Variants in ATXN1 observed in about 807,000 individuals in gnomAD.
The protein encoded by ATXN1 is ataxin 1.
ATXN1 carries 8 observed loss-of-function variants against 56.4 expected under a neutral mutation model. That is an observed-to-expected ratio of 0.14 (90% confidence interval 0.08 to 0.26). The LOEUF (loss-of-function observed/expected upper bound fraction) is 0.26. ATXN1 is among the 10% of genes least tolerant of loss of function. The pLI, the probability that ATXN1 is intolerant of heterozygous loss-of-function variation, is 1.00. For synonymous variants in ATXN1, 514 were observed against 494.6 expected, an observed-to-expected ratio of 1.04 and a Z score of -0.52; for missense variants, 987 against 1,106.5, an observed-to-expected ratio of 0.89 and a Z score of 1.53.
At position 16,703,911 on chromosome 6, in the gene ATXN1, C is replaced by T. The variant is rs570587998; in HGVS notation, c.-614-46010G>A. 1.2e-3 allele frequency among the ~76,000 whole-genome samples: 177 copies of T among 152,264 alleles called. 1 individual carries two copies. Among genetic ancestry groups the T allele is most frequent in the South Asian group, 0.011 (54 of 4,826 alleles). On this transcript the variant is annotated intron_variant, in intron 2 of 7. Coordinates refer to ENST00000436367, the MANE Select transcript of ATXN1 (RefSeq NM_001128164.2). The stretch of plus-strand genomic sequence containing the variant: ...GCGCACGCCTGTAATCCCAGCTACC[C>T]GGGAGCCTGAGCCAGGAGAATTGCT...
At chr6:16,578,719 G>A (rs984400336) in intron 4 of ATXN1, among the ~76,000 whole-genome samples, 3 of 150,460 alleles carry the variant, frequency 2.0e-5, no homozygotes, top group Non-Finnish European at 4.4e-5. Context: ...AGCACAGCCT[G>A]ATAACTAGAG....
intron 2 of ATXN1, among the ~76,000 whole-genome samples, chr6:16,664,849 A>G (rs1209507461): frequency 1.3e-5 from 2 of 152,114 alleles, no homozygotes; most frequent in East Asian, 3.9e-4. Flanking sequence ...CAACTATTAT[A>G]CCATATTAGA....
chr6:16,432,131 T>C (rs1347162040), intron 6 of ATXN1, among the ~76,000 whole-genome samples: 3 of 152,200 alleles, frequency 2.0e-5, no homozygotes. Context: ...CTTCTTCCCC[T>C]CCTCCAAAAG....
chr6:16,424,955 G>A (rs1247592247), intron 6 of ATXN1, among the ~76,000 whole-genome samples: 2 of 152,170 alleles, frequency 1.3e-5, no homozygotes, highest in East Asian at 1.9e-4. Context: ...ACTGACTGCT[G>A]CATTTTGCAC....
rs1055311825 is a variant in ATXN1, at chr6:16,326,064, G to A, written c.1917+330C>T. ...TGCCGAATGACCACTAGAAGGACCT[G>A]AAGTCCAGCAGCGTTTCCTAATCAG... On this transcript the variant is annotated intron_variant, in intron 7 of 7. Transcript: ENST00000436367. This position sits in a 1 kb window ranked among gnomAD's most constrained non-coding sequence, Gnocchi z 6.6. 3.3e-5 allele frequency among the ~76,000 whole-genome samples: 5 copies of A among 152,302 alleles called. No individual in the cohort carries two copies. The South Asian group carries it at 6.2e-4, about 19-fold the overall frequency.
intron 4 of ATXN1, among the ~76,000 whole-genome samples, chr6:16,526,972 G>C (rs1761407849): frequency 1.4e-5 from 2 of 147,796 alleles, no homozygotes; most frequent in Admixed American, 1.4e-4. Context: ...AAAACTGTAT[G>C]ATCTTGAGTG....
At chr6:16,517,576 G>C (rs1312922709) in intron 5 of ATXN1, among the ~76,000 whole-genome samples, 1 of 152,178 alleles carries the variant, frequency 6.6e-6, no homozygotes. Flanking sequence ...GAACAAGAAT[G>C]ATTAACAGGT....
At chr6:16,321,581 C>A (rs564449973) in intron 7 of ATXN1, among the ~76,000 whole-genome samples, 8 of 152,340 alleles carry the variant, frequency 5.3e-5, no homozygotes, top group Admixed American at 5.2e-4. Flanking sequence ...CAGGGCAATG[C>A]CACAGGGATA....
At chr6:16,757,409 G>C (rs1199871832) in intron 1 of ATXN1, among the ~76,000 whole-genome samples, 1 of 152,136 alleles carries the variant, frequency 6.6e-6, no homozygotes, top group Admixed American at 6.5e-5. Context: ...ATAGAATCCA[G>C]GACCTCCAAG....
chr6:16,318,873 T>C (rs1760579685), intron 7 of ATXN1, among the ~76,000 whole-genome samples: 1 of 152,152 alleles, frequency 6.6e-6, no homozygotes, highest in Admixed American at 6.5e-5. Flanking sequence ...ACGGAAGCCC[T>C]TAGGCACACA....
intron 6 of ATXN1, among the ~76,000 whole-genome samples, chr6:16,329,300 G>A (rs1333627350): frequency 1.3e-5 from 2 of 152,076 alleles, no homozygotes; most frequent in Admixed American, 6.5e-5. Context: ...AACAGTCCTT[G>A]CACTCGATTT....
At chr6:16,739,315 A>G (rs1475212161) in intron 2 of ATXN1, 1 of 152,572 alleles carries the variant, frequency 6.6e-6, no homozygotes, top group African/African-American at 2.4e-5. Flanking sequence ...TCCAGGGAGA[A>G]AATTCTTCCA....
chr6:16,497,843 G>A (rs1216585238), intron 5 of ATXN1, among the ~76,000 whole-genome samples: 1 of 152,168 alleles, frequency 6.6e-6, no homozygotes, highest in Non-Finnish European at 1.5e-5. Context: ...GAAGACCAGT[G>A]TAGATGTCTC....
rs200925094 is a variant in ATXN1, at chr6:16,326,436, G to A, written c.1875C>T (p.Gly625=). The part of the protein sequence containing the change: ...VERIEDSHSP[G]VAVIQFAVGE... ...CGACGGCGAACTGTATCACGGCCACGCCCGGGCTATGGCTGTCTTCAATCC... is the reference window on the plus strand; with the variant it reads ...CGACGGCGAACTGTATCACGGCCACACCCGGGCTATGGCTGTCTTCAATCC... Residue 625 remains glycine (G), a synonymous_variant, in exon 7 of 8, where the codon GGC becomes GGT. Coordinates refer to ENST00000436367, the MANE Select transcript of ATXN1 (RefSeq NM_001128164.2). This position sits in a 1 kb window ranked among gnomAD's most constrained non-coding sequence, Gnocchi z 6.6. 15 of 1,614,006 alleles carry A rather than the reference G, an allele frequency of 9.3e-6. No individual in the cohort carries two copies. Among genetic ancestry groups the A allele is most frequent in the African/African-American group, 5.3e-5 (4 of 75,020 alleles).
chr6:16,701,821 A>C (rs1759290804), intron 2 of ATXN1, among the ~76,000 whole-genome samples: 2 of 152,198 alleles, frequency 1.3e-5, no homozygotes, highest in Non-Finnish European at 2.9e-5. Flanking sequence ...ACCACTGCTC[A>C]ACGAAATAAA....
At chr6:16,715,769 T>C (rs753150392) in intron 2 of ATXN1, among the ~76,000 whole-genome samples, 4 of 152,186 alleles carry the variant, frequency 2.6e-5, no homozygotes, top group Non-Finnish European at 5.9e-5. Context: ...ACCCCTAGAA[T>C]ATAAGCCAAA....
At chr6:16,660,260 A>G (rs1227796297) in intron 2 of ATXN1, among the ~76,000 whole-genome samples, 1 of 152,248 alleles carries the variant, frequency 6.6e-6, no homozygotes, top group African/African-American at 2.4e-5. Context: ...TGAAGTTATC[A>G]TAAGCAAAGA....
At chr6:16,321,729 C>T (rs1760657098) in intron 7 of ATXN1, among the ~76,000 whole-genome samples, 1 of 152,224 alleles carries the variant, frequency 6.6e-6, no homozygotes, top group Non-Finnish European at 1.5e-5. Context: ...AAACACCCCT[C>T]AGTTTTATAT....
chr6:16,547,271 C>T (rs571560986), intron 4 of ATXN1, among the ~76,000 whole-genome samples: 1 of 152,286 alleles, frequency 6.6e-6, no homozygotes, highest in East Asian at 1.9e-4. Flanking sequence ...GAGGTGATGG[C>T]AATGAGACAA....
Sources: gnomAD v4.1 joint callset for allele counts (sites outside exome capture counted in the v4.1 genomes callset) on GRCh38, gnomAD v4.1.1 for gene constraint, Gnocchi (gnomAD v3.1) non-coding constraint, MANE v1.5 for transcripts, NCBI Gene and HGNC (gene_info 2026-07-23, HGNC 2026-07-21) for gene names.